RNF152: variants seen among roughly 807,000 people sequenced by gnomAD.
The protein encoded by RNF152 is E3 ubiquitin-protein ligase RNF152.
In RNF152, 11 loss-of-function variants were observed where a neutral mutation model predicts 12.7. The observed-to-expected ratio is 0.86, with a 90% CI of 0.54 to 1.43. The LOEUF (loss-of-function observed/expected upper bound fraction) is 1.43, where lower values mean the gene tolerates loss of function less well. RNF152 is among the 40% of genes most tolerant of loss of function. RNF152 has a pLI of 0.00. For missense variants in RNF152, 255 were observed against 274.8 expected (o/e 0.93, Z 0.51); for synonymous variants, 113 against 120.3 (o/e 0.94, Z 0.40).
intron 1 of RNF152, among the ~76,000 whole-genome samples, chr18:61,862,646 C>T (rs1176826936): frequency 6.6e-6 from 1 of 152,228 alleles, no homozygotes; most frequent in African/African-American, 2.4e-5. Flanking sequence ...AAGCTCCACA[C>T]CCTGTCCCCC....
At chr18:61,888,009 A>C (rs1434037302) in intron 1 of RNF152, 1 of 152,232 alleles carries the variant, frequency 6.6e-6, no homozygotes, top group Non-Finnish European at 1.5e-5. Context: ...CCTCCTTTGC[A>C]TGAAAGGCAG....
intron 1 of RNF152, among the ~76,000 whole-genome samples, chr18:61,849,439 A>G (rs1339989211): frequency 6.6e-6 from 1 of 152,144 alleles, no homozygotes; most frequent in African/African-American, 2.4e-5. Context: ...AGCAATTACA[A>G]CGAATAACTA....
rs965127631 is a variant in RNF152 at position 61,824,393 on chromosome 18, A to G, written c.-135-7795T>C. Among the ~76,000 whole-genome samples, 3 of 152,264 alleles carry G rather than the reference A, an allele frequency of 2.0e-5. No individual in the cohort carries two copies. In the East Asian group the frequency reaches 5.8e-4, roughly 29 times the overall value. On this transcript the variant is annotated intron_variant, in intron 1 of 1. Transcript: ENST00000312828. ...AAAACACTGCTGGGTTTCCAACCGCATGGCAGTACTGCCAGGCCACTTATT... is the reference window on the plus strand; with the variant it reads ...AAAACACTGCTGGGTTTCCAACCGCGTGGCAGTACTGCCAGGCCACTTATT...
intron 1 of RNF152, among the ~76,000 whole-genome samples, chr18:61,860,590 C>A (rs1368150173): frequency 6.6e-6 from 1 of 152,210 alleles, no homozygotes; most frequent in Admixed American, 6.5e-5. Context: ...GTACAGTACA[C>A]AATACTTGAT....
intron 1 of RNF152, chr18:61,888,323 T>A (rs4517883): frequency 0.56 from 85,307 of 151,956 alleles, 23,968 homozygotes; most frequent in East Asian, 0.75. Context: ...AATTAGAAAT[T>A]GAAAATCCCT....
intron 1 of RNF152, among the ~76,000 whole-genome samples, chr18:61,819,419 G>T (rs1422219016): frequency 6.6e-6 from 1 of 152,182 alleles, no homozygotes; most frequent in East Asian, 1.9e-4. Flanking sequence ...TCATTCAAGG[G>T]TAGACTGGAA....
Position 61,809,908 on chromosome 18 carries a change from T to C in RNF152, c.*5944A>G, listed in dbSNP as rs954807436. On this transcript the variant is annotated 3_prime_UTR_variant, in exon 2 of 2. Coordinates refer to ENST00000312828, the MANE Select transcript of RNF152 (RefSeq NM_173557.3). Reference sequence around the variant, plus strand: ...TGGCTCGACTGAGCAAGAAAATTTGTGCAGAAAAATGGGAACCAAATTGCA... The same window carrying C: ...TGGCTCGACTGAGCAAGAAAATTTGCGCAGAAAAATGGGAACCAAATTGCA... The C allele has an allele frequency of 6.7e-6, 1 of 148,602 alleles. No homozygotes were observed. The highest frequency in any genetic ancestry group is 1.5e-5 in the Non-Finnish European group (1 of 67,500). The allele number at this position is 148,602 out of a possible 1,614,324, so 9.2% of individuals were successfully genotyped here.
chr18:61,882,505 G>C (rs751823100), intron 1 of RNF152, among the ~76,000 whole-genome samples: 11 of 152,226 alleles, frequency 7.2e-5, no homozygotes, highest in Non-Finnish European at 1.5e-4. Flanking sequence ...CTGTGCATGA[G>C]GTTACAGAAC....
intron 1 of RNF152, among the ~76,000 whole-genome samples, chr18:61,857,472 C>T (rs1911277377): frequency 1.3e-5 from 2 of 152,104 alleles, no homozygotes; most frequent in Admixed American, 1.3e-4. Context: ...CAGAATGAAG[C>T]AAATTTTCAA....
chr18:61,839,094 G>T (rs1599282465), intron 1 of RNF152, among the ~76,000 whole-genome samples: 1 of 149,934 alleles, frequency 6.7e-6, no homozygotes. Context: ...TTCCCTCCTT[G>T]AATGATTTGA....
At chr18:61,843,977 C>T (rs1438403917) in intron 1 of RNF152, among the ~76,000 whole-genome samples, 1 of 137,916 alleles carries the variant, frequency 7.3e-6, no homozygotes, top group Admixed American at 7.3e-5. Flanking sequence ...TATTTTACCA[C>T]AGTAAAAATA....
chr18:61,863,288 A>G (rs1201415967), intron 1 of RNF152, among the ~76,000 whole-genome samples: 1 of 152,092 alleles, frequency 6.6e-6, no homozygotes, highest in African/African-American at 2.4e-5. Flanking sequence ...CAAAAAAATT[A>G]GCCAGGCGTG....
At chr18:61,862,866 G>A (rs1456744291) in intron 1 of RNF152, among the ~76,000 whole-genome samples, 1 of 152,120 alleles carries the variant, frequency 6.6e-6, no homozygotes. Flanking sequence ...GTGGGTAGGG[G>A]CAGTCTTGGG....
chr18:61,834,862 T>C lies in RNF152; in HGVS notation c.-135-18264A>G, dbSNP rs561041114. 4.6e-5 allele frequency among the ~76,000 whole-genome samples: 7 copies of C among 152,296 alleles called. No homozygotes were observed. In the East Asian group the frequency reaches 1.3e-3, roughly 29 times the overall value. On this transcript the variant is annotated intron_variant, in intron 1 of 1. Transcript: ENST00000312828. ...AACTTAGATGTTAAACTAGTACTTC[T>C]ACAAAATAATCTGAATCCATGCTTC...
chr18:61,825,152 C>T (rs1255513519), intron 1 of RNF152, among the ~76,000 whole-genome samples: 5 of 152,170 alleles, frequency 3.3e-5, no homozygotes, highest in Non-Finnish European at 7.3e-5. Flanking sequence ...GTGAACTCAC[C>T]TTGTGTACTA....
At chr18:61,817,742 T>TAA (rs397956442) in intron 1 of RNF152, among the ~76,000 whole-genome samples, 1,973 of 143,382 alleles carry the variant, frequency 0.014, 33 homozygotes, top group African/African-American at 0.037. Context: ...TTCCTCATTG[T>TAA]AAAAAAAAAA....
intron 1 of RNF152, among the ~76,000 whole-genome samples, chr18:61,829,665 G>A (rs1406623422): frequency 6.6e-6 from 1 of 151,954 alleles, no homozygotes; most frequent in African/African-American, 2.4e-5. Flanking sequence ...CAGGAGGTGA[G>A]GGGAGAAGGA....
At chr18:61,884,717 G>A (rs921106411) in intron 1 of RNF152, among the ~76,000 whole-genome samples, 2 of 152,140 alleles carry the variant, frequency 1.3e-5, no homozygotes, top group Non-Finnish European at 2.9e-5. Context: ...CCACCACCAT[G>A]CCTGCCTAAT....
chr18:61,823,122 G>A (rs1163244961), intron 1 of RNF152, among the ~76,000 whole-genome samples: 1 of 152,218 alleles, frequency 6.6e-6, no homozygotes, highest in African/African-American at 2.4e-5. Flanking sequence ...CTGCATACAT[G>A]CGTAGTCCAA....
Sources: gnomAD v4.1 joint callset for allele counts (sites outside exome capture counted in the v4.1 genomes callset) on GRCh38, gnomAD v4.1.1 for gene constraint, MANE v1.5 for transcripts, NCBI Gene and HGNC (gene_info 2026-07-23, HGNC 2026-07-21) for gene names.